Variants in SP3 observed in about 807,000 individuals in gnomAD.
SP3 encodes transcription factor Sp3.
Under a neutral mutation model 70.3 loss-of-function variants are expected in SP3, and 10 were observed. That is an observed-to-expected ratio of 0.14 (90% confidence interval 0.09 to 0.24). The LOEUF (loss-of-function observed/expected upper bound fraction) is 0.24, where lower values mean the gene tolerates loss of function less well. SP3 is among the 10% of genes least tolerant of loss of function. SP3 has a pLI of 1.00. For missense variants in SP3, 825 were observed against 914.6 expected (o/e 0.90, Z 1.26); for synonymous variants, 402 against 333.5 (o/e 1.21, Z -2.24).
intron 4 of SP3, among the ~76,000 whole-genome samples, chr2:173,933,671 TAA>T (rs1553516859): frequency 1.4e-4 from 19 of 139,460 alleles, no homozygotes; most frequent in African/African-American, 4.4e-4. Flanking sequence ...TATATATATA[TAA>T]AAGTTATAAA....
intron 4 of SP3, among the ~76,000 whole-genome samples, chr2:173,933,000 A>C (rs1383347645): frequency 1.3e-5 from 2 of 152,160 alleles, no homozygotes; most frequent in Non-Finnish European, 2.9e-5. Context: ...CAAAAACAAA[A>C]ATAAAAAATA....
At chr2:173,937,474 A>T (rs951464678) in intron 4 of SP3, among the ~76,000 whole-genome samples, 1 of 152,218 alleles carries the variant, frequency 6.6e-6, no homozygotes, top group African/African-American at 2.4e-5. Flanking sequence ...AACCCTGCCC[A>T]AGCTGTTACT....
intron 4 of SP3, among the ~76,000 whole-genome samples, chr2:173,929,284 C>T (rs1320774512): frequency 6.6e-6 from 1 of 152,166 alleles, no homozygotes; most frequent in Non-Finnish European, 1.5e-5. Context: ...TCATGACTCC[C>T]TAGTCCCCTG....
intron 4 of SP3, among the ~76,000 whole-genome samples, chr2:173,925,805 TA>T (rs960174737): frequency 6.6e-6 from 1 of 151,846 alleles, no homozygotes. Flanking sequence ...CCCTTCAGAT[TA>T]AAAAAAAGAC....
chr2:173,950,058 TA>T (rs943737045), intron 4 of SP3, among the ~76,000 whole-genome samples: 6 of 152,104 alleles, frequency 3.9e-5, no homozygotes, highest in South Asian at 2.1e-4. Flanking sequence ...TGAAGTTTCC[TA>T]AAACAGCATG....
chr2:173,944,583 G>T (rs1369599291), intron 4 of SP3, among the ~76,000 whole-genome samples: 1 of 152,152 alleles, frequency 6.6e-6, no homozygotes. Flanking sequence ...TGATGAGGCA[G>T]TTTAGAGAAC....
rs527332679 is a variant in SP3 at position 173,903,905 on chromosome 2, C to T, written c.*6036G>A. Among the ~76,000 whole-genome samples the T allele has an allele frequency of 6.5e-4, 92 of 142,478 alleles. No individual in the cohort carries two copies. Among genetic ancestry groups the T allele is most frequent in the African/African-American group, 2.2e-3 (87 of 38,676 alleles). The allele number at this position is 142,478 out of a possible 152,430, so 93.5% of individuals were successfully genotyped here. ...CTCACTTGGCAGGCAATAAACGTGA[C>T]TTTTTGTTGGTATTTCCTAGGACGG... On this transcript the variant is annotated 3_prime_UTR_variant, in exon 7 of 7. Transcript: ENST00000310015.
intron 4 of SP3, among the ~76,000 whole-genome samples, chr2:173,933,574 T>A (rs550592490): frequency 3.1e-4 from 46 of 147,432 alleles, no homozygotes; most frequent in African/African-American, 1.1e-3. Context: ...CCAACTTCGG[T>A]GTGCCCATGA....
In SP3 at chr2:173,955,517, G is replaced by A. The variant is rs1690851643; in HGVS notation, c.995C>T (p.Pro332Leu). The A allele has an allele frequency of 6.2e-7, 1 of 1,613,946 alleles. No individual in the cohort carries two copies. Among genetic ancestry groups the A allele is most frequent in the Non-Finnish European group, 8.5e-7 (1 of 1,180,032 alleles). The change falls in exon 4 of 7, where the codon CCA (proline) becomes CTA (leucine). Residue 332 changes from proline (P) to leucine (L), a missense_variant. Around this residue, in one of 4 missense-constraint regions of SP3, gnomAD observed 678 missense variants for 651.6 expected, o/e 1.04. Transcript: ENST00000310015. Reference sequence around the variant, plus strand: ...AGGCAACTGTGATGAAGAGGATGTTGGCACAAATAAATCTGTATCAGTATT... The same window carrying A: ...AGGCAACTGTGATGAAGAGGATGTTAGCACAAATAAATCTGTATCAGTATT... ...ETNTDTDLFV[P>L]TSSSSQLPVT...
intron 4 of SP3, among the ~76,000 whole-genome samples, chr2:173,925,158 A>G (rs972762220): frequency 3.3e-5 from 5 of 152,198 alleles, no homozygotes; most frequent in African/African-American, 9.6e-5. Context: ...CCGCCCACCC[A>G]AAGTGCTGGG....
At chr2:173,933,730 TAA>T (rs1690137479) in intron 4 of SP3, among the ~76,000 whole-genome samples, 2 of 147,918 alleles carry the variant, frequency 1.4e-5, no homozygotes, top group Admixed American at 1.4e-4. Flanking sequence ...CCGTTTTCAA[TAA>T]ATTCTACCTT....
At position 173,964,485 on chromosome 2, in the gene SP3, C is replaced by CT; in HGVS notation, c.75_76insA (p.Gly26ArgfsTer71). 7 of 705,394 alleles carry CT rather than the reference C, an allele frequency of 9.9e-6. No homozygotes were observed. Among genetic ancestry groups the CT allele is most frequent in the Non-Finnish European group, 1.8e-5 (7 of 381,136 alleles). 43.7% of individuals were successfully genotyped at this position (705,394 alleles called of 1,614,324 possible). A position where few individuals can be genotyped will look rare whatever the true frequency, so the allele number is the denominator to read the frequency against. Reference sequence around the variant, plus strand: ...AGATACTCGCCGTGGCCGCCGCCGCCGCCACCGCCGCCGCCGCTATCCACG... The same window carrying CT: ...AGATACTCGCCGTGGCCGCCGCCGCCTGCCACCGCCGCCGCCGCTATCCACG... On this transcript the variant is annotated frameshift_variant, in exon 2 of 7. Coordinates refer to ENST00000310015, the MANE Select transcript of SP3 (RefSeq NM_003111.5). LOFTEE classifies it high-confidence loss of function.
chr2:173,921,310 A>G (rs1352380216), intron 4 of SP3, among the ~76,000 whole-genome samples: 7 of 152,176 alleles, frequency 4.6e-5, no homozygotes, highest in Non-Finnish European at 1.0e-4. Flanking sequence ...TTAGAATATG[A>G]TTTTATTCAC....
intron 5 of SP3, chr2:173,916,916 A>G (rs1057121970): frequency 2.6e-5 from 4 of 152,120 alleles, no homozygotes; most frequent in African/African-American, 9.6e-5. Flanking sequence ...AAAATGATTC[A>G]GACTATATAG....
chr2:173,937,720 A>T (rs924145777), intron 4 of SP3, among the ~76,000 whole-genome samples: 4 of 152,154 alleles, frequency 2.6e-5, no homozygotes, highest in African/African-American at 9.7e-5. Flanking sequence ...TACTCTAGAA[A>T]ATCTCCAATA....
chr2:173,917,846 C>T (rs1689651580), intron 5 of SP3, among the ~76,000 whole-genome samples: 1 of 151,898 alleles, frequency 6.6e-6, no homozygotes, highest in Admixed American at 6.6e-5. Context: ...ACCTCAATTC[C>T]GTCTCGTGTG....
chr2:173,927,754 TA>T (rs1309060749), intron 4 of SP3, among the ~76,000 whole-genome samples: 1 of 152,230 alleles, frequency 6.6e-6, no homozygotes, highest in African/African-American at 2.4e-5. Context: ...TGTATCGCTT[TA>T]AAAATACATC....
rs144744073 is a variant in SP3 at position 173,906,047 on chromosome 2, G to T, written c.*3894C>A. Among the ~76,000 whole-genome samples, 10 of 152,262 alleles carry T rather than the reference G, an allele frequency of 6.6e-5. No homozygotes were observed. The South Asian group carries it at 2.1e-3, about 32-fold the overall frequency. ...GGACTAGAATGAATTTTTCTGGGGA[G>T]AAGGTGTAGGATTCCAAAAAGACTA... On this transcript the variant is annotated 3_prime_UTR_variant, in exon 7 of 7. Transcript: ENST00000310015.
At chr2:173,953,916 G>A (rs1014373940) in intron 4 of SP3, among the ~76,000 whole-genome samples, 2 of 152,036 alleles carry the variant, frequency 1.3e-5, no homozygotes, top group African/African-American at 4.8e-5. Flanking sequence ...GAGGTTCTAA[G>A]ACCATTTCAA....
Sources: gnomAD v4.1 joint callset for allele counts (sites outside exome capture counted in the v4.1 genomes callset) on GRCh38, gnomAD v4.1.1 for gene constraint, gnomAD v4.1.1 regional missense constraint, MANE v1.5 for transcripts, NCBI Gene and HGNC (gene_info 2026-07-23, HGNC 2026-07-21) for gene names.